The following PPP1R42 variants were observed in gnomAD, a reference collection of about 807,000 sequenced individuals.
The protein encoded by PPP1R42 is leucine rich repeat containing 67.
Under a neutral mutation model 31.0 loss-of-function variants are expected in PPP1R42, and 34 were observed. The observed-to-expected ratio is 1.10, with a 90% CI of 0.83 to 1.46. The LOEUF (loss-of-function observed/expected upper bound fraction) is 1.46. Among genes scored for constraint, PPP1R42 ranks in the 40% most tolerant of loss-of-function variants. The pLI, the probability that PPP1R42 is intolerant of heterozygous loss-of-function variation, is 0.00. For synonymous variants in PPP1R42, 103 were observed against 109.8 expected (o/e 0.94, Z 0.39); for missense variants, 268 against 303.0 (o/e 0.88, Z 0.86).
chr8:67,013,563 T>TAAATAAATAAAC (rs1563430556), intron 3 of PPP1R42, among the ~76,000 whole-genome samples: 3 of 151,622 alleles, frequency 2.0e-5, no homozygotes, highest in African/African-American at 7.3e-5. Flanking sequence ...AATAAATAAA[T>TAAATAAATAAAC]AAGCAAGCCA....
Position 67,014,575 on chromosome 8 carries a change from G to A in PPP1R42, c.147C>T (p.Cys49=). The change falls in exon 3 of 8, where the codon TGC becomes TGT. Residue 49 remains cysteine, a synonymous_variant. Coordinates refer to ENST00000685739, the MANE Select transcript of PPP1R42 (RefSeq NM_001364910.1). ...ATAAATATAAAACACTAAGATTTTT[G>A]CAAAGAGAGAGGTCTTCCTAAAAGG... ...NIDAIEDLSL[C]KNLSVLYLYD... 6.5e-7 allele frequency: 1 copy of A among 1,528,018 alleles called. No homozygotes were observed. The highest frequency in any genetic ancestry group is 2.3e-5 in the East Asian group (1 of 42,736). The allele number at this position is 1,528,018 out of a possible 1,614,324, so 94.7% of individuals were successfully genotyped here. A position where few individuals can be genotyped will look rare whatever the true frequency, so the allele number is the denominator to read the frequency against.
At chr8:66,987,584 G>T (rs1334080969) in intron 6 of PPP1R42, among the ~76,000 whole-genome samples, 1 of 152,098 alleles carries the variant, frequency 6.6e-6, no homozygotes, top group South Asian at 2.1e-4. Context: ...GAGCCACCGC[G>T]CCCGGCCTCA....
chr8:66,989,629 C>T (rs951319890), intron 5 of PPP1R42, among the ~76,000 whole-genome samples: 1 of 152,120 alleles, frequency 6.6e-6, no homozygotes, highest in African/African-American at 2.4e-5. Context: ...CTGCAAAGAA[C>T]ATGGGAGTGC....
intron 3 of PPP1R42, among the ~76,000 whole-genome samples, chr8:67,014,005 C>G (rs142172541): frequency 1.3e-5 from 2 of 152,088 alleles, no homozygotes; most frequent in African/African-American, 4.8e-5. Context: ...AATTATATGA[C>G]GCAGATGGTA....
At chr8:67,017,324 T>C (rs571047901) in intron 2 of PPP1R42, among the ~76,000 whole-genome samples, 3 of 152,136 alleles carry the variant, frequency 2.0e-5, no homozygotes, top group South Asian at 2.1e-4. Context: ...TGAAACCCCA[T>C]CTGTACTAAA....
chr8:67,001,335 C>T (rs1360934781), intron 5 of PPP1R42, among the ~76,000 whole-genome samples: 2 of 149,314 alleles, frequency 1.3e-5, no homozygotes, highest in African/African-American at 4.9e-5. Context: ...ACAGGCGTCA[C>T]CATGCCCGGT....
At chr8:66,985,753 T>G in intron 6 of PPP1R42, 2 of 1,249,780 alleles carry the variant, frequency 1.6e-6, no homozygotes, top group South Asian at 1.2e-5. Context: ...GAAGCACAGC[T>G]GTTTTTTCCT....
chr8:67,004,706 A>G (rs961912417), intron 5 of PPP1R42, among the ~76,000 whole-genome samples: 9 of 152,178 alleles, frequency 5.9e-5, no homozygotes, highest in African/African-American at 2.2e-4. Context: ...CTGTTTCCAC[A>G]TGATTTATTT....
intron 7 of PPP1R42, among the ~76,000 whole-genome samples, chr8:66,980,043 C>T (rs942349089): frequency 1.3e-5 from 2 of 152,024 alleles, no homozygotes; most frequent in Admixed American, 6.6e-5. Flanking sequence ...TACTAGAATC[C>T]TTACCCTAGG....
Position 67,017,753 on chromosome 8 carries a change from CT to C in PPP1R42, c.-7del, listed in dbSNP as rs144891755. 1.0e-4 allele frequency: 162 copies of C among 1,573,328 alleles called. 2 individuals are homozygous for C. In the East Asian group the frequency reaches 3.6e-3, roughly 35 times the overall value. ...TCCAAGGTCAGTCGAACCATAATTT[CT>C]TTATAAATCAAACTCTCAGCAAAAG... On this transcript the variant is annotated 5_prime_UTR_variant, in exon 2 of 8. Transcript: ENST00000685739.
At chr8:67,005,535 A>G (rs1353876054) in intron 5 of PPP1R42, among the ~76,000 whole-genome samples, 1 of 152,172 alleles carries the variant, frequency 6.6e-6, no homozygotes, top group Non-Finnish European at 1.5e-5. Flanking sequence ...CCATTTCAAT[A>G]TCCAATAGGC....
intron 4 of PPP1R42, among the ~76,000 whole-genome samples, chr8:67,012,256 T>G (rs1006039604): frequency 2.6e-5 from 4 of 152,108 alleles, no homozygotes; most frequent in Non-Finnish European, 1.5e-5. Flanking sequence ...TAAAATAAAA[T>G]AAAACTGATG....
In PPP1R42 at chr8:66,991,759, T is replaced by C. The variant is rs566347029; in HGVS notation, c.553-3242A>G. Among the ~76,000 whole-genome samples the C allele has an allele frequency of 2.6e-5, 4 of 152,332 alleles. No individual in the cohort carries two copies. The East Asian group carries it at 7.7e-4, about 29-fold the overall frequency. ...CCATTTCCAGTATCTCCGTCTTATC[T>C]GGAGTTTATTTTATCTCTTACCTAC... On this transcript the variant is annotated intron_variant, in intron 5 of 7. Coordinates refer to ENST00000685739, the MANE Select transcript of PPP1R42 (RefSeq NM_001364910.1).
intron 5 of PPP1R42, among the ~76,000 whole-genome samples, chr8:67,001,628 A>G (rs1304707665): frequency 6.6e-6 from 1 of 152,134 alleles, no homozygotes. Flanking sequence ...GTTTAAAACA[A>G]TCATTTTTAA....
intron 7 of PPP1R42, chr8:66,970,946 A>C (rs576864187): frequency 1.4e-6 from 2 of 1,449,704 alleles, no homozygotes; most frequent in East Asian, 5.0e-5. Flanking sequence ...CCCCACCAAA[A>C]AGATAAAGTC....
At chr8:67,027,893 C>T (rs1192746011) in intron 1 of PPP1R42, among the ~76,000 whole-genome samples, 1 of 152,046 alleles carries the variant, frequency 6.6e-6, no homozygotes, top group Non-Finnish European at 1.5e-5. Context: ...CTTAGAGCTT[C>T]TTTACAGGCT....
chr8:66,971,802 A>G (rs567155768), intron 7 of PPP1R42, among the ~76,000 whole-genome samples: 26 of 152,226 alleles, frequency 1.7e-4, no homozygotes, highest in Admixed American at 3.9e-4. Flanking sequence ...AGATTTTTAA[A>G]TTGTAAGATC....
At chr8:66,998,836 C>T (rs529119761) in intron 5 of PPP1R42, among the ~76,000 whole-genome samples, 12 of 152,160 alleles carry the variant, frequency 7.9e-5, no homozygotes, top group Non-Finnish European at 1.6e-4. Flanking sequence ...TGGTGAATTA[C>T]ATTCATTTAT....
intron 3 of PPP1R42, 73 bp from the exon 4 acceptor site, chr8:67,013,169 G>A (rs1190382693): frequency 2.4e-6 from 3 of 1,242,200 alleles, no homozygotes; most frequent in Non-Finnish European, 3.3e-6. Context: ...TGACAAAAGT[G>A]TAATAACAAA....
Sources: gnomAD v4.1 joint callset for allele counts (sites outside exome capture counted in the v4.1 genomes callset) on GRCh38, gnomAD v4.1.1 for gene constraint, MANE v1.5 for transcripts, NCBI Gene and HGNC (gene_info 2026-07-23, HGNC 2026-07-21) for gene names.